The following SEC24B variants were observed in gnomAD, a reference collection of about 807,000 sequenced individuals.
SEC24B encodes the protein protein transport protein Sec24B.
In SEC24B, 45 loss-of-function variants were observed where a neutral mutation model predicts 142.8. The observed-to-expected ratio is 0.32, with a 90% confidence interval of 0.25 to 0.40. SEC24B has a LOEUF of 0.40. Ranked by LOEUF, SEC24B falls within the 10% of genes least tolerant of loss-of-function variation. The pLI is 1.00. For synonymous variants in SEC24B, 574 were observed against 568.2 expected, an observed-to-expected ratio of 1.01 and a Z score of -0.15; for missense variants, 1,409 against 1,526.8, an observed-to-expected ratio of 0.92 and a Z score of 1.29.
intron 1 of SEC24B, among the ~76,000 whole-genome samples, chr4:109,457,687 A>G (rs2125922259): frequency 6.6e-6 from 1 of 152,170 alleles, no homozygotes; most frequent in East Asian, 1.9e-4. Context: ...ATAGGGGAGT[A>G]ATATGTTCAT....
In SEC24B at chr4:109,539,796, T is replaced by G; in HGVS notation, c.*121T>G. ...TAATACAAGATGCAACGCACAGCACTCTGTCTGAGGCTTTGGTAAAAAGTA... is the reference window on the plus strand; with the variant it reads ...TAATACAAGATGCAACGCACAGCACGCTGTCTGAGGCTTTGGTAAAAAGTA... On this transcript the variant is annotated 3_prime_UTR_variant, in exon 24 of 24. Coordinates refer to ENST00000265175, the MANE Select transcript of SEC24B (RefSeq NM_006323.5). 1 of 648,264 alleles carries G rather than the reference T, an allele frequency of 1.5e-6. No homozygotes were observed. 40.2% of individuals were successfully genotyped at this position (648,264 alleles called of 1,614,324 possible).
chr4:109,463,336 A>T lies in SEC24B; in HGVS notation c.569A>T (p.Asn190Ile). The change falls in exon 2 of 24, where the codon AAT (asparagine) becomes ATT (isoleucine). Residue 190 changes from asparagine to isoleucine, a missense_variant. Asn to Ile is a moderately radical substitution (Grantham distance 149, BLOSUM62 -3). This residue lies in a region of SEC24B where 709 missense variants were observed against 673.5 expected (regional missense o/e 1.05). Coordinates refer to ENST00000265175, the MANE Select transcript of SEC24B (RefSeq NM_006323.5). ...CATTATGCTATGTCAACTGTTTCTAATGCCGCGTATCCTAGTGTTTCATAT... is the reference window on the plus strand; with the variant it reads ...CATTATGCTATGTCAACTGTTTCTATTGCCGCGTATCCTAGTGTTTCATAT... The part of the protein sequence containing the change: ...CGHYAMSTVS[N>I]AAYPSVSYPS... The T allele has an allele frequency of 6.2e-7, 1 of 1,614,170 alleles. No individual in the cohort carries two copies. Among genetic ancestry groups the T allele is most frequent in the Non-Finnish European group, 8.5e-7 (1 of 1,180,034 alleles).
intron 1 of SEC24B, among the ~76,000 whole-genome samples, chr4:109,456,342 T>TG (rs1420746283): frequency 1.1e-4 from 17 of 149,758 alleles, no homozygotes; most frequent in Non-Finnish European, 1.8e-4. Flanking sequence ...TTGTTTTTTT[T>TG]TTTTTTTTTT....
intron 3 of SEC24B, among the ~76,000 whole-genome samples, chr4:109,477,784 A>T (rs1733325911): frequency 6.6e-6 from 1 of 152,168 alleles, no homozygotes; most frequent in South Asian, 2.1e-4. Context: ...GTTGGTAAAT[A>T]TTTTTTTGTT....
chr4:109,539,554 C>T lies in SEC24B; in HGVS notation c.3693-7C>T. The T allele has an allele frequency of 1.9e-6, 3 of 1,582,938 alleles. No homozygotes were observed. Among genetic ancestry groups the T allele is most frequent in the East Asian group, 2.2e-5 (1 of 44,686 alleles). On this transcript the variant is annotated splice_polypyrimidine_tract_variant and splice_region_variant and intron_variant, in intron 23 of 23. Coordinates refer to ENST00000265175, the MANE Select transcript of SEC24B (RefSeq NM_006323.5). ...CGTTTAGACAAATGCCCTTTTCTTT[C>T]TTCCAGAGATGAGAGTCCTGCCAAA...
chr4:109,503,058 C>G (rs1485100503), intron 6 of SEC24B, among the ~76,000 whole-genome samples: 2 of 144,768 alleles, frequency 1.4e-5, no homozygotes, highest in Non-Finnish European at 3.0e-5. Flanking sequence ...TAATTTCTTT[C>G]TTTCTTTTTT....
At chr4:109,519,869 T>C (rs1723416433) in intron 11 of SEC24B, among the ~76,000 whole-genome samples, 1 of 152,212 alleles carries the variant, frequency 6.6e-6, no homozygotes. Context: ...TTAACATAGT[T>C]GGTAGTACTT....
At chr4:109,501,783 C>A (rs1015802601) in intron 6 of SEC24B, among the ~76,000 whole-genome samples, 1 of 152,138 alleles carries the variant, frequency 6.6e-6, no homozygotes, top group Non-Finnish European at 1.5e-5. Flanking sequence ...GCATTTAATT[C>A]TTTAAGACTT....
intron 22 of SEC24B, among the ~76,000 whole-genome samples, chr4:109,534,848 A>C (rs535775274): frequency 6.6e-6 from 1 of 152,214 alleles, no homozygotes; most frequent in East Asian, 1.9e-4. Flanking sequence ...CTAATTAAAA[A>C]AATTTTTTTT....
intron 2 of SEC24B, among the ~76,000 whole-genome samples, chr4:109,471,395 T>G (rs752002052): frequency 8.5e-5 from 13 of 152,188 alleles, no homozygotes; most frequent in Admixed American, 1.3e-4. Flanking sequence ...TCTGCCCACC[T>G]TGGCCTCCTA....
At chr4:109,496,901 C>T (rs1735595644) in intron 6 of SEC24B, among the ~76,000 whole-genome samples, 1 of 151,738 alleles carries the variant, frequency 6.6e-6, no homozygotes. Flanking sequence ...ATATTATTTA[C>T]TTAGAATTTT....
intron 1 of SEC24B, among the ~76,000 whole-genome samples, chr4:109,437,055 T>C (rs576692697): frequency 6.6e-6 from 1 of 152,354 alleles, no homozygotes; most frequent in South Asian, 2.1e-4. Flanking sequence ...GATGGCAACC[T>C]GCTACTTGTG....
At chr4:109,509,459 C>T (rs1737067525) in intron 7 of SEC24B, among the ~76,000 whole-genome samples, 1 of 152,064 alleles carries the variant, frequency 6.6e-6, no homozygotes, top group Non-Finnish European at 1.5e-5. Context: ...GGATGGATCA[C>T]AAGGTCAGGA....
chr4:109,491,834 C>T (rs2126004416), intron 5 of SEC24B, among the ~76,000 whole-genome samples: 1 of 152,222 alleles, frequency 6.6e-6, no homozygotes, highest in African/African-American at 2.4e-5. Flanking sequence ...TAGATGCTAC[C>T]TTCAACTTGG....
chr4:109,488,166 T>G (rs1172165578), intron 4 of SEC24B, among the ~76,000 whole-genome samples: 1 of 152,180 alleles, frequency 6.6e-6, no homozygotes, highest in Non-Finnish European at 1.5e-5. Context: ...TCTGCAGTTT[T>G]TAGCATATTC....
intron 4 of SEC24B, among the ~76,000 whole-genome samples, chr4:109,486,038 T>C (rs1734315608): frequency 1.3e-5 from 2 of 152,188 alleles, no homozygotes; most frequent in South Asian, 2.1e-4. Flanking sequence ...GGTATCTGTC[T>C]TGTTTTGTTT....
At chr4:109,501,324 C>CTT (rs768934161) in intron 6 of SEC24B, among the ~76,000 whole-genome samples, 2 of 152,192 alleles carry the variant, frequency 1.3e-5, no homozygotes, top group Non-Finnish European at 2.9e-5. Context: ...TGAGTACACT[C>CTT]TGTGATGTTT....
chr4:109,500,499 G>T (rs561077943), intron 6 of SEC24B, among the ~76,000 whole-genome samples: 2 of 147,192 alleles, frequency 1.4e-5, no homozygotes, highest in African/African-American at 5.0e-5. Context: ...AGCCAAAATT[G>T]CAGCAGTGCA....
chr4:109,464,566 C>A (rs574877371), intron 2 of SEC24B, among the ~76,000 whole-genome samples: 44 of 152,260 alleles, frequency 2.9e-4, no homozygotes, highest in African/African-American at 1.1e-3. Flanking sequence ...AGGATATATT[C>A]ATTTTAATTC....
Sources: gnomAD v4.1 joint callset for allele counts (sites outside exome capture counted in the v4.1 genomes callset) on GRCh38, gnomAD v4.1.1 for gene constraint, gnomAD v4.1.1 regional missense constraint, MANE v1.5 for transcripts, NCBI Gene and HGNC (gene_info 2026-07-23, HGNC 2026-07-21) for gene names.